PHF24: variants seen among roughly 807,000 people sequenced by gnomAD.
The protein encoded by PHF24 is Galpha inhibitory interacting protein.
In PHF24, 25 loss-of-function variants were observed where a neutral mutation model predicts 42.6. The ratio of observed to expected loss-of-function variants is 0.59; its 90% CI spans 0.43 to 0.82. The LOEUF (loss-of-function observed/expected upper bound fraction) is 0.82. Ranked by LOEUF, PHF24 falls within the 40% of genes least tolerant of loss-of-function variation. The pLI, the probability that PHF24 is intolerant of heterozygous loss-of-function variation, is 0.00. For missense variants in PHF24, 470 were observed against 538.1 expected (o/e 0.87, Z 1.25); for synonymous variants, 185 against 204.8 (o/e 0.90, Z 0.83).
At chr9:34,702,439 G>C in the PHF24 span, among the ~76,000 whole-genome samples, 1 of 152,180 alleles carries the variant, frequency 6.6e-6, no homozygotes, top group Non-Finnish European at 1.5e-5. Context: ...ATATTGGATT[G>C]AAATTTATTA....
chr9:34,780,161 T>A, the PHF24 span, among the ~76,000 whole-genome samples: 5 of 151,986 alleles, frequency 3.3e-5, no homozygotes, highest in African/African-American at 1.2e-4. Context: ...AAAAAGTAAC[T>A]CAAAATGGAT....
chr9:34,848,893 C>T, the PHF24 span, among the ~76,000 whole-genome samples: 1 of 152,086 alleles, frequency 6.6e-6, no homozygotes, highest in African/African-American at 2.4e-5. Flanking sequence ...TGTTCAGTTT[C>T]CATGTAGTTG....
chr9:34,825,231 T>C, the PHF24 span, among the ~76,000 whole-genome samples: 17 of 151,792 alleles, frequency 1.1e-4, no homozygotes, highest in South Asian at 3.1e-3. Context: ...CAGCAGTAAA[T>C]TGGGGGCCCT....
the PHF24 span, chr9:34,723,110 G>T: frequency 8.1e-7 from 1 of 1,227,742 alleles, no homozygotes. Flanking sequence ...CACATTTATG[G>T]AAATGACAAT....
the PHF24 span, among the ~76,000 whole-genome samples, chr9:34,944,633 G>A: frequency 2.0e-5 from 3 of 152,340 alleles, no homozygotes; most frequent in South Asian, 6.2e-4. Flanking sequence ...CCAGATGTCT[G>A]TATGCCATAT....
chr9:34,826,484 G>A, the PHF24 span, among the ~76,000 whole-genome samples: 1 of 152,336 alleles, frequency 6.6e-6, no homozygotes, highest in East Asian at 1.9e-4. Flanking sequence ...GCAGGAAGCA[G>A]TGTCTCCATG....
At chr9:34,734,760 C>A in the PHF24 span, among the ~76,000 whole-genome samples, 3 of 152,168 alleles carry the variant, frequency 2.0e-5, no homozygotes, top group Non-Finnish European at 2.9e-5. Context: ...AGGGGCACAG[C>A]CCCTGTCTAA....
chr9:34,691,233 T>C, the PHF24 span: 7 of 1,107,418 alleles, frequency 6.3e-6, no homozygotes, highest in Admixed American at 2.0e-5. Flanking sequence ...GCGACTGGGA[T>C]GCAGGGGTGA....
the PHF24 span, among the ~76,000 whole-genome samples, chr9:34,801,239 A>G: frequency 1.3e-5 from 2 of 152,146 alleles, no homozygotes; most frequent in Non-Finnish European, 2.9e-5. Context: ...ACAGTGTGGC[A>G]ATTCCTCAAG....
At chr9:34,833,508 T>C in the PHF24 span, 6 of 1,551,430 alleles carry the variant, frequency 3.9e-6, no homozygotes, top group Non-Finnish European at 5.2e-6. Flanking sequence ...TGGTTTAGAC[T>C]TTCAAGAGAC....
At chr9:34,689,161 G>A in the PHF24 span, among the ~76,000 whole-genome samples, 8 of 151,856 alleles carry the variant, frequency 5.3e-5, no homozygotes, top group African/African-American at 1.2e-4. This position sits in a 1 kb window ranked among gnomAD's most constrained non-coding sequence, Gnocchi z 4.1. Context: ...TCCCCCAGCC[G>A]TGAGAGCTGG....
chr9:34,802,781 G>C, the PHF24 span, among the ~76,000 whole-genome samples: 16 of 152,282 alleles, frequency 1.1e-4, no homozygotes, highest in African/African-American at 3.8e-4. Flanking sequence ...TAAGAAGGCT[G>C]AGCCTCTGAT....
the PHF24 span, chr9:34,832,816 C>A: frequency 6.4e-7 from 1 of 1,551,576 alleles, no homozygotes; most frequent in Non-Finnish European, 8.7e-7. Flanking sequence ...GAAGCTGGGG[C>A]ACCACAGTCT....
chr9:34,881,537 C>T, the PHF24 span, among the ~76,000 whole-genome samples: 394 of 152,068 alleles, frequency 2.6e-3, no homozygotes, highest in Admixed American at 5.8e-3. Flanking sequence ...ATATCACCAC[C>T]GATCCCACAG....
the PHF24 span, among the ~76,000 whole-genome samples, chr9:34,930,373 A>G: frequency 1.3e-5 from 2 of 152,320 alleles, no homozygotes; most frequent in Non-Finnish European, 2.9e-5. Context: ...TTGTTCCTTA[A>G]CTTTATGGGA....
chr9:34,748,959 AAC>A, the PHF24 span, among the ~76,000 whole-genome samples: 1 of 152,296 alleles, frequency 6.6e-6, no homozygotes, highest in Admixed American at 6.5e-5. Flanking sequence ...AATTCAATAT[AAC>A]ACAGAGAAAA....
At chr9:34,971,299 A>G in exon 2 of PHF24, 1 of 1,599,140 alleles carries the variant, frequency 6.3e-7, no homozygotes, top group African/African-American at 1.3e-5. Context: ...CCACAGAGCC[A>G]TGGGGGTGTT....
the PHF24 span, among the ~76,000 whole-genome samples, chr9:34,815,593 A>G: frequency 6.6e-6 from 1 of 152,194 alleles, no homozygotes; most frequent in African/African-American, 2.4e-5. Context: ...AAGTGCTGGG[A>G]TTACAGGCGT....
At chr9:34,682,258 T>C in the PHF24 span, among the ~76,000 whole-genome samples, 11 of 149,002 alleles carry the variant, frequency 7.4e-5, no homozygotes, top group African/African-American at 2.7e-4. Context: ...GGGATTACAG[T>C]CATGAACCAC....
Sources: allele counts gnomAD v4.1 joint callset (sites outside exome capture counted in the v4.1 genomes callset), GRCh38; gene constraint gnomAD v4.1.1; non-coding constraint Gnocchi (gnomAD v3.1); transcripts MANE v1.5; gene names NCBI Gene and HGNC (gene_info 2026-07-23, HGNC 2026-07-21).